The following CORIN variants were observed in gnomAD, a reference collection of about 807,000 sequenced individuals.
CORIN encodes atrial natriuretic peptide-converting enzyme.
A neutral mutation model predicts 125.3 loss-of-function variants in CORIN; 117 were observed. The ratio of observed to expected loss-of-function variants is 0.93; its 90% confidence interval spans 0.80 to 1.09. The LOEUF (loss-of-function observed/expected upper bound fraction) is 1.09, where lower values mean the gene tolerates loss of function less well. Among genes scored for constraint, CORIN ranks in the 50% least tolerant of loss-of-function variants. The pLI is 0.00. For synonymous variants in CORIN, 450 were observed against 466.4 expected (o/e 0.96, Z 0.45); for missense variants, 1,253 against 1,306.7 (o/e 0.96, Z 0.63).
intron 3 of CORIN, among the ~76,000 whole-genome samples, chr4:47,781,109 A>T (rs536816489): frequency 6.6e-6 from 1 of 152,272 alleles, no homozygotes; most frequent in East Asian, 1.9e-4. Context: ...AATGGATTAA[A>T]TTTTTTCAAT....
intron 1 of CORIN, among the ~76,000 whole-genome samples, chr4:47,816,629 C>T (rs1732279852): frequency 6.6e-6 from 1 of 152,100 alleles, no homozygotes; most frequent in African/African-American, 2.4e-5. Flanking sequence ...TGAACTTTTG[C>T]ACTGAAACAA....
At chr4:47,741,197 T>G (rs1728379111) in intron 5 of CORIN, among the ~76,000 whole-genome samples, 1 of 151,952 alleles carries the variant, frequency 6.6e-6, no homozygotes, top group Admixed American at 6.6e-5. Context: ...AAAGGCACAC[T>G]TGCATCCAGA....
chr4:47,616,659 T>C (rs1280960876), intron 19 of CORIN, among the ~76,000 whole-genome samples: 1 of 152,182 alleles, frequency 6.6e-6, no homozygotes, highest in Non-Finnish European at 1.5e-5. Flanking sequence ...ACTTCTGTAA[T>C]GATCTTGACA....
At chr4:47,697,914 T>G (rs1726093941) in intron 5 of CORIN, among the ~76,000 whole-genome samples, 1 of 152,002 alleles carries the variant, frequency 6.6e-6, no homozygotes, top group Non-Finnish European at 1.5e-5. Flanking sequence ...TTAAGTTATT[T>G]CATGAGGAAC....
chr4:47,648,456 A>C (rs958760209), intron 13 of CORIN, among the ~76,000 whole-genome samples: 2 of 152,188 alleles, frequency 1.3e-5, no homozygotes, highest in Non-Finnish European at 2.9e-5. Context: ...GGTCACACTA[A>C]GTGTGCTAAG....
intron 13 of CORIN, among the ~76,000 whole-genome samples, chr4:47,649,935 C>A (rs1012781844): frequency 1.3e-5 from 2 of 152,156 alleles, no homozygotes; most frequent in Admixed American, 6.5e-5. Flanking sequence ...CAAAGAGACA[C>A]AAAAGCATAG....
At chr4:47,617,804 T>G (rs924764837) in intron 19 of CORIN, among the ~76,000 whole-genome samples, 2 of 152,096 alleles carry the variant, frequency 1.3e-5, no homozygotes, top group Admixed American at 1.3e-4. Context: ...TAATAAAAAG[T>G]CAAACCAAAC....
At chr4:47,707,155 T>C (rs941619045) in intron 5 of CORIN, among the ~76,000 whole-genome samples, 1 of 152,200 alleles carries the variant, frequency 6.6e-6, no homozygotes, top group Admixed American at 6.5e-5. Context: ...AGTGGTGGTG[T>C]ATCTTGTTTC....
Position 47,641,904 on chromosome 4 carries a change from A to T in CORIN, c.2198+16T>A, listed in dbSNP as rs950874688. 9 of 1,610,526 alleles carry T rather than the reference A, an allele frequency of 5.6e-6. No individual in the cohort carries two copies. The highest frequency in any genetic ancestry group is 7.6e-6 in the Non-Finnish European group (9 of 1,177,892). On this transcript the variant is annotated intron_variant, in intron 16 of 21. Transcript: ENST00000273857. ...CTTCTGAGAAATTCATCAGTGCTAC[A>T]AACTACTGACCTTACCCTAAACCCA... is the stretch of plus-strand genomic sequence containing the variant.
At chr4:47,740,499 ATT>A in intron 5 of CORIN, among the ~76,000 whole-genome samples, 1 of 151,950 alleles carries the variant, frequency 6.6e-6, no homozygotes, top group Non-Finnish European at 1.5e-5. Flanking sequence ...TCTGATAACA[ATT>A]TTGTTTTAAA....
chr4:47,762,208 G>T (rs533999589), intron 4 of CORIN, among the ~76,000 whole-genome samples: 41 of 152,186 alleles, frequency 2.7e-4, no homozygotes, highest in African/African-American at 9.6e-4. Flanking sequence ...AATGTGATGT[G>T]ATGTATTTGT....
chr4:47,695,588 C>T, intron 5 of CORIN, among the ~76,000 whole-genome samples: 1 of 152,166 alleles, frequency 6.6e-6, no homozygotes, highest in Non-Finnish European at 1.5e-5. Context: ...AAACTGACTT[C>T]TTTTGTGTGG....
intron 1 of CORIN, among the ~76,000 whole-genome samples, chr4:47,823,904 C>T (rs1732628389): frequency 6.6e-6 from 1 of 152,110 alleles, no homozygotes; most frequent in African/African-American, 2.4e-5. Flanking sequence ...GGTTGACCTC[C>T]ACACACACCA....
intron 5 of CORIN, 81 bp downstream of exon 5, chr4:47,744,321 C>T (rs1728556525): frequency 2.3e-6 from 3 of 1,288,260 alleles, no homozygotes; most frequent in Non-Finnish European, 3.3e-6. Context: ...AGACTGTACA[C>T]TTATTATTTA....
At chr4:47,686,155 GT>G (rs1292482274) in intron 6 of CORIN, among the ~76,000 whole-genome samples, 1 of 150,216 alleles carries the variant, frequency 6.7e-6, no homozygotes, top group Non-Finnish European at 1.5e-5. Context: ...ATAAATTACT[GT>G]TTCAAAAAAG....
chr4:47,689,141 T>C (rs950172212), intron 6 of CORIN, among the ~76,000 whole-genome samples: 9 of 152,194 alleles, frequency 5.9e-5, no homozygotes, highest in Admixed American at 2.0e-4. Context: ...CTGCACCTAG[T>C]AACAAGAGGT....
At chr4:47,717,043 A>C (rs1727124071) in intron 5 of CORIN, among the ~76,000 whole-genome samples, 1 of 152,220 alleles carries the variant, frequency 6.6e-6, no homozygotes, top group African/African-American at 2.4e-5. Flanking sequence ...TATTTTTAAA[A>C]GTTCAATTGG....
At chr4:47,756,397 G>T (rs191747691) in intron 4 of CORIN, among the ~76,000 whole-genome samples, 14 of 152,140 alleles carry the variant, frequency 9.2e-5, no homozygotes, top group African/African-American at 3.4e-4. Flanking sequence ...ACTTTCAAGC[G>T]CATTCTCTGC....
intron 16 of CORIN, among the ~76,000 whole-genome samples, chr4:47,639,316 C>T (rs1723147442): frequency 6.6e-6 from 1 of 152,122 alleles, no homozygotes; most frequent in African/African-American, 2.4e-5. Flanking sequence ...CTACACCATT[C>T]TCTGATGGCA....
Sources: allele counts gnomAD v4.1 joint callset (sites outside exome capture counted in the v4.1 genomes callset), GRCh38; gene constraint gnomAD v4.1.1; transcripts MANE v1.5; gene names NCBI Gene and HGNC (gene_info 2026-07-23, HGNC 2026-07-21).